Variants in COLGALT2 observed in about 807,000 individuals in gnomAD.
COLGALT2 encodes collagen beta(1-O)galactosyltransferase 2, also known as procollagen galactosyltransferase 2.
Under a neutral mutation model 73.4 loss-of-function variants are expected in COLGALT2, and 49 were observed. That is an observed-to-expected ratio of 0.67 (90% CI 0.53 to 0.85). COLGALT2 has a LOEUF of 0.85. Ranked by LOEUF, COLGALT2 falls within the 40% of genes least tolerant of loss-of-function variation. The probability of loss-of-function intolerance (pLI) is 0.00; values close to 1 mark genes in which losing one functional copy is unlikely to be tolerated. For missense variants in COLGALT2, 722 were observed against 790.2 expected (o/e 0.91, Z 1.03); for synonymous variants, 295 against 307.6 (o/e 0.96, Z 0.43).
In COLGALT2 at chr1:183,936,698, C is replaced by T; in HGVS notation, c.*2063G>A. ...ATACCCAAGGAAATCTTAGGAATCA[C>T]CTAAGGAATTTTCACTCGCTCCCCA... On this transcript the variant is annotated 3_prime_UTR_variant, in exon 12 of 12. Transcript: ENST00000361927. 4 of 1,229,720 alleles carry T rather than the reference C, an allele frequency of 3.3e-6. No individual in the cohort carries two copies. Among genetic ancestry groups the T allele is most frequent in the Non-Finnish European group, 4.1e-6 (4 of 987,286 alleles). The allele number at this position is 1,229,720 out of a possible 1,614,324, so 76.2% of individuals were successfully genotyped here.
chr1:184,015,146 TC>T (rs1016747354), intron 1 of COLGALT2, among the ~76,000 whole-genome samples: 2 of 151,154 alleles, frequency 1.3e-5, no homozygotes, highest in Non-Finnish European at 2.9e-5. Context: ...TTGCAATTGG[TC>T]CACGCTAGAA....
intron 1 of COLGALT2, among the ~76,000 whole-genome samples, chr1:184,020,988 T>C (rs529888140): frequency 3.3e-5 from 5 of 152,138 alleles, no homozygotes; most frequent in African/African-American, 1.2e-4. Flanking sequence ...AAGCAATCCA[T>C]AGCAGAAACT....
intron 1 of COLGALT2, among the ~76,000 whole-genome samples, chr1:184,022,407 G>T (rs1029910704): frequency 6.6e-6 from 1 of 152,154 alleles, no homozygotes. Context: ...AAAAATGCCT[G>T]TTTGGAAACA....
At chr1:183,998,063 T>C (rs1182583239) in intron 1 of COLGALT2, among the ~76,000 whole-genome samples, 1 of 152,182 alleles carries the variant, frequency 6.6e-6, no homozygotes, top group Non-Finnish European at 1.5e-5. Flanking sequence ...TATGTTCAAC[T>C]TTACTAGGGA....
At chr1:183,940,019 G>A (rs899637122) in intron 11 of COLGALT2, among the ~76,000 whole-genome samples, 1 of 152,186 alleles carries the variant, frequency 6.6e-6, no homozygotes, top group South Asian at 2.1e-4. Flanking sequence ...TGGGCTATGG[G>A]AGCCCCAAGC....
rs772233238 is a variant in COLGALT2, at chr1:184,037,083, G to T, written c.263+12C>A. ...GTCCCGCCGCGGCGGCCCGGGGCCC[G>T]TGCGCGCTCACCAGATGGCCATCCT... On this transcript the variant is annotated intron_variant, in intron 1 of 11. Coordinates refer to ENST00000361927, the MANE Select transcript of COLGALT2 (RefSeq NM_015101.4). 15 of 1,549,620 alleles carry T rather than the reference G, an allele frequency of 9.7e-6. No individual in the cohort carries two copies. Among genetic ancestry groups the T allele is most frequent in the Middle Eastern group, 1.8e-4 (1 of 5,642 alleles).
At chr1:183,944,016 T>C (rs115677082) in intron 10 of COLGALT2, among the ~76,000 whole-genome samples, 180 bp downstream of exon 10, 2,210 of 152,304 alleles carry the variant, frequency 0.015, 49 homozygotes, top group African/African-American at 0.05. Flanking sequence ...AGTAGAAGGA[T>C]GCAAAATCCA....
intron 1 of COLGALT2, among the ~76,000 whole-genome samples, chr1:183,992,511 C>A (rs533565162): frequency 3.6e-4 from 55 of 152,256 alleles, no homozygotes; most frequent in Admixed American, 1.2e-3. Flanking sequence ...GAAATATAGT[C>A]AATGAAGCAC....
In COLGALT2 at chr1:183,987,040, A is replaced by T. The variant is rs1458902386; in HGVS notation, c.264-8520T>A. On this transcript the variant is annotated intron_variant, in intron 1 of 11. Transcript: ENST00000361927. Reference sequence around the variant, plus strand: ...ATCATCTCAGGATGACAGGATGGAAATGCTCTAGCAAAAAAACAAAAGAAA... The same window carrying T: ...ATCATCTCAGGATGACAGGATGGAATTGCTCTAGCAAAAAAACAAAAGAAA... Among the ~76,000 whole-genome samples, 4 of 151,126 alleles carry T rather than the reference A, an allele frequency of 2.6e-5. No homozygotes were observed. In the East Asian group the frequency reaches 6.5e-4, roughly 25 times the overall value.
chr1:184,037,596 C>T lies in COLGALT2; in HGVS notation c.-239G>A. The T allele has an allele frequency of 9.2e-7, 1 of 1,084,244 alleles. No homozygotes were observed. Among genetic ancestry groups the T allele is most frequent in the African/African-American group, 1.7e-5 (1 of 60,006 alleles). The allele number at this position is 1,084,244 out of a possible 1,614,324, so 67.2% of individuals were successfully genotyped here. A position where few individuals can be genotyped will look rare whatever the true frequency, so the allele number is the denominator to read the frequency against. On this transcript the variant is annotated 5_prime_UTR_variant, in exon 1 of 12. Transcript: ENST00000361927. ...CGCAGCGTACCTGCAGCCGCTGGCG[C>T]TCCCCTGCGCCTCGGGCTCGCAGAC... is the stretch of plus-strand genomic sequence containing the variant.
intron 1 of COLGALT2, among the ~76,000 whole-genome samples, chr1:184,029,226 A>G (rs1290790975): frequency 6.6e-6 from 1 of 152,232 alleles, no homozygotes; most frequent in Non-Finnish European, 1.5e-5. Context: ...ATTATTACCT[A>G]TAATGAGATT....
At position 183,967,670 on chromosome 1, in the gene COLGALT2, C is replaced by T. The variant is rs189410258; in HGVS notation, c.832+1599G>A. Among the ~76,000 whole-genome samples the T allele has an allele frequency of 4.6e-5, 7 of 152,298 alleles. No individual in the cohort carries two copies. In the East Asian group the frequency reaches 5.8e-4, roughly 13 times the overall value. On this transcript the variant is annotated intron_variant, in intron 5 of 11. Transcript: ENST00000361927. ...GAGGACTCTGTTAGGCAGTGTCATT[C>T]GTGTAATTGTTAATATCTCACTTTC...
intron 1 of COLGALT2, among the ~76,000 whole-genome samples, chr1:184,002,189 T>C (rs1396769765): frequency 6.6e-6 from 1 of 152,256 alleles, no homozygotes; most frequent in Non-Finnish European, 1.5e-5. Flanking sequence ...CAGGCTGTGC[T>C]TCTATCACCA....
Position 183,973,604 on chromosome 1 carries a change from CA to C in COLGALT2, c.627+11del. On this transcript the variant is annotated intron_variant, in intron 4 of 11. Coordinates refer to ENST00000361927, the MANE Select transcript of COLGALT2 (RefSeq NM_015101.4). ...AACTAGTAGCCTTAATTCATTTAAG[CA>C]AAAGACTTGCCTTAGGGGTGATTCC... 4 of 1,613,682 alleles carry C rather than the reference CA, an allele frequency of 2.5e-6. No homozygotes were observed. The highest frequency in any genetic ancestry group is 2.2e-5 in the East Asian group (1 of 44,872).
rs1251216133 is a variant in COLGALT2, at chr1:184,037,566, G to C, written c.-209C>G. The C allele has an allele frequency of 1.8e-6, 2 of 1,110,168 alleles. No homozygotes were observed. The highest frequency in any genetic ancestry group is 5.0e-5 in the Admixed American group (1 of 19,924). The allele number at this position is 1,110,168 out of a possible 1,614,324, so 68.8% of individuals were successfully genotyped here. On this transcript the variant is annotated 5_prime_UTR_variant, in exon 1 of 12. Transcript: ENST00000361927. The stretch of plus-strand genomic sequence containing the variant: ...CGCTGCACCGCCCAGGCCCCAGTGC[G>C]GGTGCGCAGCGTACCTGCAGCCGCT...
chr1:184,003,086 C>G (rs1671974089), intron 1 of COLGALT2, among the ~76,000 whole-genome samples: 1 of 152,130 alleles, frequency 6.6e-6, no homozygotes, highest in South Asian at 2.1e-4. Flanking sequence ...TAAAGAGTCT[C>G]AGAGATCTAT....
At chr1:184,023,550 G>A (rs1303425951) in intron 1 of COLGALT2, among the ~76,000 whole-genome samples, 2 of 149,600 alleles carry the variant, frequency 1.3e-5, no homozygotes, top group Non-Finnish European at 3.0e-5. Flanking sequence ...AAAAACACCA[G>A]TAACTTTTGC....
chr1:183,942,290 G>A lies in COLGALT2; in HGVS notation c.1398-1503C>T, dbSNP rs141291087. Among the ~76,000 whole-genome samples, 876 of 151,920 alleles carry A rather than the reference G, an allele frequency of 5.8e-3. 12 individuals carry two copies. Among genetic ancestry groups the A allele is most frequent in the African/African-American group, 0.02 (842 of 41,418 alleles). On this transcript the variant is annotated intron_variant, in intron 10 of 11. Coordinates refer to ENST00000361927, the MANE Select transcript of COLGALT2 (RefSeq NM_015101.4). ...TGAAAATTTAGCTTCTGGATTGAGA[G>A]GTGTTCTAAGTGTAAAATACATACC...
In COLGALT2 at chr1:184,009,255, A is replaced by T. The variant is rs141106988; in HGVS notation, c.263+27840T>A. ...GTCAGCATTAAACATGATTTGTTAA[A>T]TGTGAATTAAGAACAACAAAATTTT... On this transcript the variant is annotated intron_variant, in intron 1 of 11. Coordinates refer to ENST00000361927, the MANE Select transcript of COLGALT2 (RefSeq NM_015101.4). 1.3e-3 allele frequency among the ~76,000 whole-genome samples: 201 copies of T among 152,350 alleles called. 1 individual carries two copies. The highest frequency in any genetic ancestry group is 4.7e-3 in the African/African-American group (196 of 41,590).
Sources: gnomAD v4.1 joint callset for allele counts (sites outside exome capture counted in the v4.1 genomes callset) on GRCh38, gnomAD v4.1.1 for gene constraint, MANE v1.5 for transcripts, NCBI Gene and HGNC (gene_info 2026-07-23, HGNC 2026-07-21) for gene names.